The following CERS6 variants were observed in gnomAD, a reference collection of about 807,000 sequenced individuals.
CERS6 encodes LAG1 homolog, ceramide synthase 6.
In CERS6, 26 loss-of-function variants were observed where a neutral mutation model predicts 56.8. The observed-to-expected ratio is 0.46, with a 90% CI of 0.34 to 0.63. The LOEUF is 0.63. Ranked by LOEUF, CERS6 falls within the 30% of genes least tolerant of loss-of-function variation. CERS6 has a pLI of 0.01. For missense variants in CERS6, 415 were observed against 467.5 expected (o/e 0.89, Z 1.04); for synonymous variants, 164 against 173.3 (o/e 0.95, Z 0.42).
At chr2:168,656,125 G>C (rs930564856) in intron 4 of CERS6, among the ~76,000 whole-genome samples, 3 of 152,212 alleles carry the variant, frequency 2.0e-5, no homozygotes, top group Admixed American at 2.0e-4. Context: ...AGAGGGTTAG[G>C]AAGAGATTCT....
chr2:168,612,009 C>T (rs193084097), intron 3 of CERS6, among the ~76,000 whole-genome samples: 11 of 152,262 alleles, frequency 7.2e-5, no homozygotes, highest in South Asian at 6.2e-4. Context: ...ATTGGGTGTA[C>T]GTCATAAGCC....
At chr2:168,758,028 T>C (rs1189398868) in intron 8 of CERS6, among the ~76,000 whole-genome samples, 1 of 152,206 alleles carries the variant, frequency 6.6e-6, no homozygotes, top group Non-Finnish European at 1.5e-5. Flanking sequence ...CATGACTTAA[T>C]TACCCGACTT....
At chr2:168,758,644 A>G (rs1684480320) in intron 8 of CERS6, among the ~76,000 whole-genome samples, 1 of 152,206 alleles carries the variant, frequency 6.6e-6, no homozygotes, top group African/African-American at 2.4e-5. Flanking sequence ...TGCTGCCTAT[A>G]TGTCACTGGA....
At chr2:168,662,443 A>G (rs1298366369) in intron 4 of CERS6, among the ~76,000 whole-genome samples, 1 of 152,098 alleles carries the variant, frequency 6.6e-6, no homozygotes, top group African/African-American at 2.4e-5. Context: ...AAGACCCTGG[A>G]AAGGGCCAGG....
intron 3 of CERS6, among the ~76,000 whole-genome samples, chr2:168,589,120 A>G (rs184885397): frequency 1.3e-4 from 20 of 152,328 alleles, no homozygotes; most frequent in African/African-American, 4.6e-4. Flanking sequence ...AAGAACCACC[A>G]TATTTTTCAT....
chr2:168,532,100 A>C (rs923501572), intron 1 of CERS6, among the ~76,000 whole-genome samples: 1 of 152,108 alleles, frequency 6.6e-6, no homozygotes, highest in African/African-American at 2.4e-5. Flanking sequence ...GCACCAGAGG[A>C]ATTGTTCTTT....
chr2:168,724,645 C>G (rs1189549956), intron 8 of CERS6, among the ~76,000 whole-genome samples: 3 of 152,064 alleles, frequency 2.0e-5, no homozygotes, highest in South Asian at 2.1e-4. Context: ...CTCCAAGGCC[C>G]CACCAGAGTA....
chr2:168,735,209 G>T (rs1485079779), intron 8 of CERS6, among the ~76,000 whole-genome samples: 1 of 151,648 alleles, frequency 6.6e-6, no homozygotes, highest in African/African-American at 2.4e-5. Flanking sequence ...TTTTAACTCC[G>T]TGCCAGGCTC....
At chr2:168,612,321 A>G (rs1033842262) in intron 3 of CERS6, among the ~76,000 whole-genome samples, 16 of 152,206 alleles carry the variant, frequency 1.1e-4, no homozygotes, top group Admixed American at 2.0e-4. Flanking sequence ...GAAAATTTCC[A>G]ACTGATTGTT....
intron 1 of CERS6, among the ~76,000 whole-genome samples, chr2:168,490,648 C>G (rs1431265845): frequency 6.6e-6 from 1 of 152,160 alleles, no homozygotes; most frequent in African/African-American, 2.4e-5. Flanking sequence ...ACAACCCATA[C>G]TTCCCTTTGT....
chr2:168,588,843 A>G (rs936876423), intron 3 of CERS6, among the ~76,000 whole-genome samples: 2 of 152,190 alleles, frequency 1.3e-5, no homozygotes, highest in African/African-American at 4.8e-5. Context: ...GGTTCAAGCA[A>G]TTCTTCTGCC....
At chr2:168,755,186 G>C (rs538922243) in intron 8 of CERS6, among the ~76,000 whole-genome samples, 3 of 152,198 alleles carry the variant, frequency 2.0e-5, no homozygotes, top group Non-Finnish European at 4.4e-5. Flanking sequence ...ATTAAATACT[G>C]TTTTAGGATC....
In CERS6 at chr2:168,520,598, C is replaced by T. The variant is rs1307290520; in HGVS notation, c.171-26998C>T. Among the ~76,000 whole-genome samples, 383 of 57,940 alleles carry T rather than the reference C, an allele frequency of 6.6e-3. 58 individuals carry two copies. Among genetic ancestry groups the T allele is most frequent in the Middle Eastern group, 0.019 (1 of 54 alleles). The allele number at this position is 57,940 out of a possible 152,430, so 38.0% of individuals were successfully genotyped here. A position where few individuals can be genotyped will look rare whatever the true frequency, so the allele number is the denominator to read the frequency against. On this transcript the variant is annotated intron_variant, in intron 1 of 9. Coordinates refer to ENST00000305747, the MANE Select transcript of CERS6 (RefSeq NM_203463.3). ...TTAACTCTTTAACATTTACAATATC[C>T]TTTTTTTTTTTTTTTTTTTTTTTTT... is the stretch of plus-strand genomic sequence containing the variant.
At chr2:168,478,819 C>G (rs1694125570) in intron 1 of CERS6, among the ~76,000 whole-genome samples, 1 of 152,156 alleles carries the variant, frequency 6.6e-6, no homozygotes, top group African/African-American at 2.4e-5. Context: ...GAATTTTACC[C>G]TGTTTAATTT....
In CERS6 at chr2:168,661,625, A is replaced by G. The variant is rs74763359; in HGVS notation, c.466-29409A>G. Among the ~76,000 whole-genome samples the G allele has an allele frequency of 0.015, 2,211 of 152,272 alleles. 111 individuals carry two copies. The East Asian group carries it at 0.16, about 11-fold the overall frequency. ...TTAATGCCTGACATTTTCGCTCAAGATAGAGAAGTAGATTTTTGTCTTTCT... is the reference window on the plus strand; with the variant it reads ...TTAATGCCTGACATTTTCGCTCAAGGTAGAGAAGTAGATTTTTGTCTTTCT... On this transcript the variant is annotated intron_variant, in intron 4 of 9. Coordinates refer to ENST00000305747, the MANE Select transcript of CERS6 (RefSeq NM_203463.3).
intron 8 of CERS6, among the ~76,000 whole-genome samples, chr2:168,749,353 T>C (rs1451834176): frequency 6.6e-6 from 1 of 152,110 alleles, no homozygotes; most frequent in Admixed American, 6.5e-5. Context: ...TAAAAATCAG[T>C]TTTAGAGTGA....
Position 168,631,830 on chromosome 2 carries a change from A to C in CERS6, c.465+788A>C, listed in dbSNP as rs1385175391. Among the ~76,000 whole-genome samples, 2 of 127,216 alleles carry C rather than the reference A, an allele frequency of 1.6e-5. 1 individual carries two copies. Among genetic ancestry groups the C allele is most frequent in the Non-Finnish European group, 3.2e-5 (2 of 63,354 alleles). 83.5% of individuals were successfully genotyped at this position (127,216 alleles called of 152,430 possible). ...TATATAATTTATTATATATTATATA[A>C]TATATATTATATAATATATATTATA... On this transcript the variant is annotated intron_variant, in intron 4 of 9. Coordinates refer to ENST00000305747, the MANE Select transcript of CERS6 (RefSeq NM_203463.3).
At chr2:168,553,550 A>G (rs1378602989) in intron 2 of CERS6, among the ~76,000 whole-genome samples, 6 of 152,182 alleles carry the variant, frequency 3.9e-5, no homozygotes, top group African/African-American at 1.4e-4. Flanking sequence ...AATATTCCCA[A>G]GGAAAATGTG....
rs77242924 is a variant in CERS6, at chr2:168,468,193, T to C, written c.170+11575T>C. Among the ~76,000 whole-genome samples the C allele has an allele frequency of 3.2e-3, 483 of 152,262 alleles. 6 individuals are homozygous for C. The highest frequency in any genetic ancestry group is 0.011 in the African/African-American group (463 of 41,560). On this transcript the variant is annotated intron_variant, in intron 1 of 9. Transcript: ENST00000305747. The stretch of plus-strand genomic sequence containing the variant: ...AGCCTGGCCTCTGCTCTGGCTTCTG[T>C]GCCTTTGGAGAGAGACCCCCATCCC...
Sources: gnomAD v4.1 joint callset for allele counts (sites outside exome capture counted in the v4.1 genomes callset) on GRCh38, gnomAD v4.1.1 for gene constraint, MANE v1.5 for transcripts, NCBI Gene and HGNC (gene_info 2026-07-23, HGNC 2026-07-21) for gene names.